CNOT6: variants seen among roughly 807,000 people sequenced by gnomAD.
CNOT6 encodes the protein CCR4-NOT transcription complex subunit 6, also known as carbon catabolite repression 4 protein.
Under a neutral mutation model 61.2 loss-of-function variants are expected in CNOT6, and 12 were observed. That is an observed-to-expected ratio of 0.20 (90% CI 0.13 to 0.32). The LOEUF (loss-of-function observed/expected upper bound fraction) is 0.32. CNOT6 is among the 10% of genes least tolerant of loss of function. The probability of loss-of-function intolerance (pLI) is 1.00; values close to 1 mark genes in which losing one functional copy is unlikely to be tolerated. For synonymous variants in CNOT6, 225 were observed against 240.6 expected, an observed-to-expected ratio of 0.94 and a Z score of 0.60; for missense variants, 405 against 663.9, an observed-to-expected ratio of 0.61 and a Z score of 4.28.
intron 1 of CNOT6, among the ~76,000 whole-genome samples, chr5:180,513,091 A>G (rs9800264): frequency 0.87 from 132,254 of 151,878 alleles, 57,941 homozygotes; most frequent in East Asian, 1. Context: ...TAGACACGGC[A>G]TTTCACCTTG....
chr5:180,533,312 CTATATATATATATA>C (rs56266069), intron 2 of CNOT6, among the ~76,000 whole-genome samples: 25 of 127,634 alleles, frequency 2.0e-4, no homozygotes, highest in Non-Finnish European at 2.8e-4. Flanking sequence ...GGATGAAAAC[CTATATATATATATA>C]TATATATATA....
chr5:180,526,281 A>G (rs1758099355), intron 1 of CNOT6, among the ~76,000 whole-genome samples: 1 of 152,182 alleles, frequency 6.6e-6, no homozygotes, highest in South Asian at 2.1e-4. Flanking sequence ...TTAATAGAGG[A>G]AAGAATAGCA....
chr5:180,504,690 T>C (rs958969764), intron 1 of CNOT6, among the ~76,000 whole-genome samples: 1 of 152,234 alleles, frequency 6.6e-6, no homozygotes, highest in African/African-American at 2.4e-5. Flanking sequence ...GAGATTTTAC[T>C]ACACAAATCA....
chr5:180,540,172 C>T (rs892267496), intron 2 of CNOT6, among the ~76,000 whole-genome samples: 27 of 152,060 alleles, frequency 1.8e-4, no homozygotes, highest in Admixed American at 6.6e-5. Flanking sequence ...GACTGTTGGA[C>T]GCTTCCATTT....
chr5:180,562,617 G>A (rs1359591448), intron 4 of CNOT6, among the ~76,000 whole-genome samples: 2 of 152,120 alleles, frequency 1.3e-5, no homozygotes, highest in African/African-American at 4.8e-5. Flanking sequence ...GCAGCTGCCT[G>A]TAGTCCCAGC....
intron 2 of CNOT6, among the ~76,000 whole-genome samples, chr5:180,537,709 T>A (rs1012641190): frequency 6.6e-6 from 1 of 152,090 alleles, no homozygotes; most frequent in African/African-American, 2.4e-5. Flanking sequence ...ATAGAATATC[T>A]CCATTTATTT....
At chr5:180,520,593 G>C (rs1352110488) in intron 1 of CNOT6, among the ~76,000 whole-genome samples, 1 of 152,010 alleles carries the variant, frequency 6.6e-6, no homozygotes. Context: ...AGTGAGCCAA[G>C]ATCACGCCAC....
chr5:180,503,262 CTTTTTTTT>C (rs66503357), intron 1 of CNOT6, among the ~76,000 whole-genome samples: 2 of 133,846 alleles, frequency 1.5e-5, no homozygotes, highest in African/African-American at 2.7e-5. Flanking sequence ...TTGTATTTTT[CTTTTTTTT>C]TTTTTTTTTG....
At position 180,564,677 on chromosome 5, in the gene CNOT6, A is replaced by T; in HGVS notation, c.493A>T (p.Thr165Ser). The change falls in exon 6 of 12, where the codon ACA (threonine) becomes TCA (serine). Residue 165 changes from threonine (T) to serine (S), a missense_variant and splice_region_variant. Physicochemically the swap from Thr to Ser is moderately conservative, Grantham distance 58. This residue lies in a region of CNOT6 where 212 missense variants were observed against 307.1 expected (regional missense o/e 0.69). Coordinates refer to ENST00000261951, the MANE Select transcript of CNOT6 (RefSeq NM_001370472.1). ...DNLSGTAKRI[T>S]TEQPPPRSWI... is the part of the protein sequence containing the mutation. ...TTCTGTATTTTCTATTCAACTAGTT[A>T]CAACAGAACAACCACCTCCAAGGTC... is the stretch of plus-strand genomic sequence containing the variant. 1 of 1,613,756 alleles carries T rather than the reference A, an allele frequency of 6.2e-7. No homozygotes were observed. The highest frequency in any genetic ancestry group is 8.5e-7 in the Non-Finnish European group (1 of 1,179,628).
rs1267810502 is a variant in CNOT6, at chr5:180,577,472, G to GT, written c.*3278dup. ...AGCTAGGCAAAACAATGACAGCACCGTTTTTTCAGTGAAGCTCTCAGAATG... is the reference window on the plus strand; with the variant it reads ...AGCTAGGCAAAACAATGACAGCACCGTTTTTTTCAGTGAAGCTCTCAGAATG... On this transcript the variant is annotated 3_prime_UTR_variant, in exon 12 of 12. Coordinates refer to ENST00000261951, the MANE Select transcript of CNOT6 (RefSeq NM_001370472.1). 1.3e-5 allele frequency: 2 copies of GT among 152,506 alleles called. No homozygotes were observed. Among genetic ancestry groups the GT allele is most frequent in the African/African-American group, 2.4e-5 (1 of 41,390 alleles). 9.4% of individuals were successfully genotyped at this position (152,506 alleles called of 1,614,324 possible).
At chr5:180,509,315 T>TC (rs1292176280) in intron 1 of CNOT6, among the ~76,000 whole-genome samples, 3 of 151,748 alleles carry the variant, frequency 2.0e-5, no homozygotes, top group Admixed American at 1.3e-4. Context: ...TATTTTTTTT[T>TC]CTACAGACCA....
chr5:180,568,126 A>C (rs1465260823), intron 9 of CNOT6, 123 bp downstream of exon 9: 2 of 923,746 alleles, frequency 2.2e-6, no homozygotes, highest in Non-Finnish European at 3.1e-6. Context: ...ACTCAGTGAG[A>C]AGTTGTCTTT....
chr5:180,521,281 G>A (rs769957883), intron 1 of CNOT6, among the ~76,000 whole-genome samples: 2 of 152,134 alleles, frequency 1.3e-5, no homozygotes, highest in Admixed American at 6.6e-5. Flanking sequence ...AGTCATTTAC[G>A]ACATTTTACA....
chr5:180,539,145 A>G (rs549500743), intron 2 of CNOT6, among the ~76,000 whole-genome samples: 43 of 144,354 alleles, frequency 3.0e-4, no homozygotes, highest in African/African-American at 1.0e-3. Flanking sequence ...ACTGCACTCT[A>G]GCCTAGCAAC....
At chr5:180,527,243 A>C (rs1360851391) in intron 1 of CNOT6, among the ~76,000 whole-genome samples, 1 of 152,166 alleles carries the variant, frequency 6.6e-6, no homozygotes, top group Non-Finnish European at 1.5e-5. Context: ...AGATTTGTTT[A>C]AGTTGGAATT....
At chr5:180,529,783 G>A (rs1758268176) in intron 2 of CNOT6, among the ~76,000 whole-genome samples, 1 of 152,188 alleles carries the variant, frequency 6.6e-6, no homozygotes, top group African/African-American at 2.4e-5. Flanking sequence ...GGTGGGGTAG[G>A]AATGGCTGAT....
intron 1 of CNOT6, among the ~76,000 whole-genome samples, chr5:180,497,021 A>G (rs1021874357): frequency 1.3e-5 from 2 of 152,138 alleles, no homozygotes; most frequent in South Asian, 2.1e-4. Context: ...CCCACTGTAC[A>G]TGTAGTTTAA....
At chr5:180,543,674 G>A (rs1581531257) in intron 2 of CNOT6, among the ~76,000 whole-genome samples, 2 of 152,134 alleles carry the variant, frequency 1.3e-5, no homozygotes, top group African/African-American at 4.8e-5. Context: ...TTACCAGATT[G>A]GCTTCAAAAT....
chr5:180,516,351 T>G (rs979245385), intron 1 of CNOT6, among the ~76,000 whole-genome samples: 18 of 152,100 alleles, frequency 1.2e-4, no homozygotes, highest in Non-Finnish European at 2.4e-4. Flanking sequence ...GGCTAATTTT[T>G]GTATTTTTAA....
Sources: gnomAD v4.1 joint callset for allele counts (sites outside exome capture counted in the v4.1 genomes callset) on GRCh38, gnomAD v4.1.1 for gene constraint, gnomAD v4.1.1 regional missense constraint, MANE v1.5 for transcripts, NCBI Gene and HGNC (gene_info 2026-07-23, HGNC 2026-07-21) for gene names.